NT5C1B: variants seen among roughly 807,000 people sequenced by gnomAD.
NT5C1B encodes the protein cytosolic 5'-nucleotidase 1B.
In NT5C1B, 44 loss-of-function variants were observed where a neutral mutation model predicts 57.8. The ratio of observed to expected loss-of-function variants is 0.76; its 90% CI spans 0.60 to 0.98. The LOEUF is 0.98. Among genes scored for constraint, NT5C1B ranks in the 50% least tolerant of loss-of-function variants. The pLI is 0.00. For missense variants in NT5C1B, 742 were observed against 719.5 expected (o/e 1.03, Z -0.36); for synonymous variants, 284 against 282.6 (o/e 1.00, Z -0.05).
intron 5 of NT5C1B, chr2:18,583,514 T>G: frequency 7.3e-6 from 2 of 275,356 alleles, no homozygotes; most frequent in South Asian, 4.1e-5. Context: ...CTGTGTCTCA[T>G]AAGTACATTC....
chr2:18,583,098 A>G, intron 5 of NT5C1B, 101 bp from the exon 6 acceptor site: 1 of 1,441,140 alleles, frequency 6.9e-7, no homozygotes, highest in East Asian at 2.4e-5. Flanking sequence ...TCAAGCTCTG[A>G]AGAATCTTCA....
intron 6 of NT5C1B, among the ~76,000 whole-genome samples, chr2:18,577,372 C>T (rs775332702): frequency 1.1e-4 from 16 of 141,660 alleles, no homozygotes; most frequent in Admixed American, 4.4e-4. Flanking sequence ...ATGTGGCTCT[C>T]GAGATCGCGC....
At chr2:18,583,465 G>A (rs1271621040) in intron 5 of NT5C1B, 1 of 208,068 alleles carries the variant, frequency 4.8e-6, no homozygotes, top group Non-Finnish European at 9.9e-6. Flanking sequence ...TTCTGTCAGA[G>A]TACTTTATGT....
intron 3 of NT5C1B, 74 bp downstream of exon 3, chr2:18,586,180 G>A (rs891321184): frequency 3.2e-5 from 50 of 1,566,354 alleles, no homozygotes; most frequent in African/African-American, 8.1e-5. Flanking sequence ...GGCCTGGCAC[G>A]TAGAAAGCAT....
intron 6 of NT5C1B, among the ~76,000 whole-genome samples, chr2:18,580,642 A>C (rs1285965435): frequency 1.3e-5 from 2 of 152,180 alleles, no homozygotes; most frequent in Non-Finnish European, 2.9e-5. Flanking sequence ...ATATATGCAC[A>C]CATATCTTCA....
rs762054077 is a variant in NT5C1B at position 18,584,126 on chromosome 2, C to G, written c.853G>C (p.Val285Leu). 6.2e-7 allele frequency: 1 copy of G among 1,614,038 alleles called. No individual in the cohort carries two copies. Among genetic ancestry groups the G allele is most frequent in the Admixed American group, 1.7e-5 (1 of 60,002 alleles). The change falls in exon 5 of 9, where the codon GTC (valine) becomes CTC (leucine). Residue 285 changes from valine (V) to leucine (L), a missense_variant. Coordinates refer to ENST00000304081, the Ensembl canonical transcript of NT5C1B. This position sits in a 1 kb window ranked among gnomAD's most constrained non-coding sequence, Gnocchi z 5.8. ...AACGCCGGGCCCGGGGTCAGGATGACGTTCTCATTGGTGAGCTGATACTCC... is the reference window on the plus strand; with the variant it reads ...AACGCCGGGCCCGGGGTCAGGATGAGGTTCTCATTGGTGAGCTGATACTCC...
chr2:18,563,803 C>G (rs1333826143), exon 9 of NT5C1B: 5 of 1,550,158 alleles, frequency 3.2e-6, no homozygotes, highest in Non-Finnish European at 4.4e-6. Flanking sequence ...CCCCTAACTA[C>G]TGAATTTTTT....
chr2:18,587,179 AGATT>A (rs761409224), intron 2 of NT5C1B: 8 of 1,610,514 alleles, frequency 5.0e-6, no homozygotes. Flanking sequence ...CTCATCTGAA[AGATT>A]GTGCAGAAAG....
chr2:18,567,050 G>A (rs143957822), intron 8 of NT5C1B, among the ~76,000 whole-genome samples: 1 of 152,282 alleles, frequency 6.6e-6, no homozygotes, highest in East Asian at 1.9e-4. Flanking sequence ...CCACCAATGA[G>A]AGAGCATAGA....
At chr2:18,576,472 G>A in intron 7 of NT5C1B, 104 bp from the exon 8 acceptor site, 1 of 1,424,014 alleles carries the variant, frequency 7.0e-7, no homozygotes, top group South Asian at 1.5e-5. Context: ...TTTCTCTCTA[G>A]CTATTACCTG....
intron 1 of NT5C1B, among the ~76,000 whole-genome samples, chr2:18,588,799 G>A (rs1350533089): frequency 6.6e-6 from 1 of 152,058 alleles, no homozygotes; most frequent in Non-Finnish European, 1.5e-5. Flanking sequence ...CTTCATTCCT[G>A]GATAAACACT....
At position 18,584,356 on chromosome 2, in the gene NT5C1B, G is replaced by T. The variant is rs1242983897; in HGVS notation, c.724-101C>A. On this transcript the variant is annotated intron_variant, in intron 4 of 8. Coordinates refer to ENST00000304081, the Ensembl canonical transcript of NT5C1B. This position sits in a 1 kb window ranked among gnomAD's most constrained non-coding sequence, Gnocchi z 5.8. The stretch of plus-strand genomic sequence containing the variant: ...GGTGAGAGTAGGACAGCGGGCCCCT[G>T]CTTGGAGAAGCGGGATGCTGGAGAC... 1.1e-5 allele frequency: 17 copies of T among 1,547,448 alleles called. No individual in the cohort carries two copies. The highest frequency in any genetic ancestry group is 9.1e-5 in the East Asian group (4 of 44,194).
chr2:18,584,756 C>A lies in NT5C1B; in HGVS notation c.481G>T (p.Val161Leu), dbSNP rs772695136. ...TCCCGGGTCTGGCGGATTTCCCGCA[C>A]GATGCCTTGGGCCCAGGCCTCCGGA... Residue 161 changes from valine to leucine, a missense_variant, in exon 4 of 9, where the codon GTG becomes TTG. By Grantham distance (32) the Val-to-Leu change is conservative. Transcript: ENST00000304081. The surrounding 1 kb of genome is among the most constrained non-coding windows in gnomAD (Gnocchi z 5.8). 1.9e-6 allele frequency: 3 copies of A among 1,613,530 alleles called. No individual in the cohort carries two copies. The highest frequency in any genetic ancestry group is 8.5e-7 in the Non-Finnish European group (1 of 1,179,764).
At position 18,576,693 on chromosome 2, in the gene NT5C1B, T is replaced by TA; in HGVS notation, c.1144+79dup. The TA allele has an allele frequency of 3.2e-6, 5 of 1,581,134 alleles. No individual in the cohort carries two copies. The South Asian group carries it at 5.9e-5, about 19-fold the overall frequency. On this transcript the variant is annotated intron_variant, in intron 7 of 8. Transcript: ENST00000304081. ...ATATCCAACAAGACCATAAGCCTCATAATCATATGCGAAACTTAATGTAAG... is the reference window on the plus strand; with the variant it reads ...ATATCCAACAAGACCATAAGCCTCATAAATCATATGCGAAACTTAATGTAAG...
Position 18,570,344 on chromosome 2 carries a change from A to G in NT5C1B, c.1329+5840T>C, listed in dbSNP as rs529865461. The stretch of plus-strand genomic sequence containing the variant: ...TGATTTACTTCTGGCCAAACTGACC[A>G]AGAAAAACAACAACAAAAAAGAAAA... On this transcript the variant is annotated intron_variant, in intron 8 of 8. Transcript: ENST00000304081. Among the ~76,000 whole-genome samples the G allele has an allele frequency of 3.1e-4, 47 of 152,190 alleles. No individual in the cohort carries two copies. In the South Asian group the frequency reaches 9.3e-3, roughly 30 times the overall value.
chr2:18,579,548 T>G (rs1427398968), intron 6 of NT5C1B, among the ~76,000 whole-genome samples: 2 of 152,142 alleles, frequency 1.3e-5, no homozygotes, highest in Non-Finnish European at 2.9e-5. Flanking sequence ...GAAAGGACTC[T>G]GTATTCAATA....
intron 8 of NT5C1B, among the ~76,000 whole-genome samples, chr2:18,564,614 T>G (rs866869130): frequency 1.3e-5 from 2 of 152,218 alleles, no homozygotes; most frequent in South Asian, 2.1e-4. Context: ...TTCCAAACAC[T>G]TGGTTTTAGT....
chr2:18,575,708 CTTGT>C (rs1393005350), intron 8 of NT5C1B, among the ~76,000 whole-genome samples: 6 of 152,116 alleles, frequency 3.9e-5, no homozygotes, highest in Non-Finnish European at 7.4e-5. Flanking sequence ...ATAATTTGCA[CTTGT>C]TTGAGGATCA....
chr2:18,585,389 G>A (rs1666607721), intron 3 of NT5C1B, among the ~76,000 whole-genome samples: 1 of 152,120 alleles, frequency 6.6e-6, no homozygotes, highest in Non-Finnish European at 1.5e-5. Flanking sequence ...GTGCCTTAGT[G>A]TGCGACTTCC....
Sources: gnomAD v4.1 joint callset for allele counts (sites outside exome capture counted in the v4.1 genomes callset) on GRCh38, gnomAD v4.1.1 for gene constraint, Gnocchi (gnomAD v3.1) non-coding constraint, MANE v1.5 for transcripts, NCBI Gene and HGNC (gene_info 2026-07-23, HGNC 2026-07-21) for gene names.